Variants in CACNA1F observed in about 807,000 individuals in gnomAD.
CACNA1F encodes the protein calcium voltage-gated channel subunit alpha1 F.
A neutral mutation model predicts 143.8 loss-of-function variants in CACNA1F; 59 were observed. The ratio of observed to expected loss-of-function variants is 0.41; its 90% CI spans 0.33 to 0.51. CACNA1F has a LOEUF of 0.51. Ranked by LOEUF, CACNA1F falls within the 20% of genes least tolerant of loss-of-function variation. The pLI, the probability that CACNA1F is intolerant of heterozygous loss-of-function variation, is 0.22. For synonymous variants in CACNA1F, 643 were observed against 649.1 expected (o/e 0.99, Z 0.14); for missense variants, 1,411 against 1,647.5 (o/e 0.86, Z 2.48).
In CACNA1F at chrX:49,233,319, G is replaced by A. The variant is rs782231577; in HGVS notation, c.-10C>T. The A allele has an allele frequency of 8.4e-6, 10 of 1,193,169 alleles. No homozygotes were observed. The South Asian group carries it at 8.9e-5, about 11-fold the overall frequency. On this transcript the variant is annotated 5_prime_UTR_variant, in exon 1 of 48. An upstream open reading frame in the 5' UTR gains an earlier in-frame stop. Transcript: ENST00000323022. ...CTTCAGATTCCGACATCTTTCTTTCGAGATTGAAGGGCCATCTGCACACAA... is the reference window on the plus strand; with the variant it reads ...CTTCAGATTCCGACATCTTTCTTTCAAGATTGAAGGGCCATCTGCACACAA...
chrX:49,223,298 G>A (rs1469736852), intron 14 of CACNA1F, among the ~76,000 whole-genome samples, 162 bp from the exon 15 acceptor site: 1 of 109,980 alleles, frequency 9.1e-6, no homozygotes, highest in African/African-American at 3.3e-5. Context: ...GTTGGGGTGA[G>A]ATGAGAGTAA....
intron 1 of CACNA1F, 106 bp from the exon 2 acceptor site, chrX:49,232,033 A>G (rs781879981): frequency 2.4e-6 from 2 of 830,546 alleles, no homozygotes; most frequent in Non-Finnish European, 3.3e-6. Flanking sequence ...AAGAGCATGG[A>G]AAATTAGGGA....
chrX:49,223,186 T>C (rs1557109157), intron 14 of CACNA1F, 50 bp from the exon 15 acceptor site: 3 of 873,388 alleles, frequency 3.4e-6, no homozygotes, highest in Non-Finnish European at 5.0e-6. Context: ...CCACTGGACA[T>C]GGCTGGAGCA....
intron 43 of CACNA1F, 102 bp downstream of exon 43, chrX:49,208,413 C>T (rs45439800): frequency 9.5e-6 from 3 of 317,250 alleles, no homozygotes; most frequent in South Asian, 3.4e-5. Flanking sequence ...GCCTCTAGGC[C>T]CTCCCTCCCA....
rs781984852 is a variant in CACNA1F at position 49,227,101 on chromosome X, G to A, written c.1145C>T (p.Ala382Val). 3 of 1,187,700 alleles carry A rather than the reference G, an allele frequency of 2.5e-6. No homozygotes were observed. Among genetic ancestry groups the A allele is most frequent in the African/African-American group, 1.8e-5 (1 of 56,823 alleles). The change falls in exon 9 of 48, where the codon GCG becomes GTG. Residue 382 changes from alanine (A) to valine (V), a missense_variant. Physicochemically the swap from Ala to Val is moderately conservative, Grantham distance 64. Around this residue, in one of 3 missense-constraint regions of CACNA1F, gnomAD observed 950 missense variants for 1,128.1 expected, o/e 0.84. Coordinates refer to ENST00000323022, the MANE Select transcript of CACNA1F (RefSeq NM_001256789.3). ...SGEFSKEREK[A>V]KARGDFQKQR... ...CTTCTGGAAGTCCCCGCGAGCTTTCGCTTTCTCTCTCTCCTTGGAGAACTC... is the reference window on the plus strand; with the variant it reads ...CTTCTGGAAGTCCCCGCGAGCTTTCACTTTCTCTCTCTCCTTGGAGAACTC...
In CACNA1F at chrX:49,211,085, T is replaced by C; in HGVS notation, c.4268A>G (p.Asn1423Ser). ...GTCCATGATCACAGCCACAAAGAGA[T>C]TTATGATCTGTGGGCCAGTGAGCAA... ...FFMLCAFLII[N>S]LFVAVIMDNF... Residue 1423 changes from asparagine to serine, a missense_variant, in exon 37 of 48, where the codon AAT becomes AGT. Coordinates refer to ENST00000323022, the MANE Select transcript of CACNA1F (RefSeq NM_001256789.3). 8.3e-7 allele frequency: 1 copy of C among 1,209,888 alleles called. No homozygotes were observed. The highest frequency in any genetic ancestry group is 1.1e-6 in the Non-Finnish European group (1 of 894,245).
intron 26 of CACNA1F, among the ~76,000 whole-genome samples, chrX:49,217,348 G>T (rs1310405849): frequency 8.9e-6 from 1 of 112,947 alleles, no homozygotes; most frequent in Non-Finnish European, 1.9e-5. Context: ...AGCCTTGTGA[G>T]ATAGGCACTG....
intron 6 of CACNA1F, among the ~76,000 whole-genome samples, chrX:49,229,639 A>G (rs1005454997): frequency 2.7e-5 from 3 of 109,166 alleles, no homozygotes; most frequent in Non-Finnish European, 3.8e-5. Flanking sequence ...TTTGTTTTTG[A>G]GACGGAGTCT....
At chrX:49,220,957 CA>C (rs782083294) in intron 18 of CACNA1F, 77 bp downstream of exon 18, 5 of 882,961 alleles carry the variant, frequency 5.7e-6, no homozygotes, top group East Asian at 6.2e-5. Flanking sequence ...ACAACAACAA[CA>C]AAAAAACAGA....
In CACNA1F at chrX:49,219,716, G is replaced by C. The variant is rs1005399568; in HGVS notation, c.2461C>G (p.Leu821Val). The C allele has an allele frequency of 2.5e-6, 3 of 1,192,908 alleles. No individual in the cohort carries two copies. The highest frequency in any genetic ancestry group is 3.4e-6 in the Non-Finnish European group (3 of 886,358). ...EEEEGAGGVE[L>V]LQEVVPKEKV... Reference sequence around the variant, plus strand: ...TCCTTGGGTACAACTTCCTGCAGGAGTTCCACACCCCCTGCACCCTCTTCC... The same window carrying C: ...TCCTTGGGTACAACTTCCTGCAGGACTTCCACACCCCCTGCACCCTCTTCC... Residue 821 changes from leucine to valine, a missense_variant, in exon 20 of 48, where the codon CTC becomes GTC. Leu to Val is a conservative substitution (Grantham distance 32). Around this residue, in one of 3 missense-constraint regions of CACNA1F, gnomAD observed 950 missense variants for 1,128.1 expected, o/e 0.84. Coordinates refer to ENST00000323022, the MANE Select transcript of CACNA1F (RefSeq NM_001256789.3).
chrX:49,219,231 TCTC>T, intron 21 of CACNA1F, 87 bp downstream of exon 21: 1 of 1,005,573 alleles, frequency 9.9e-7, no homozygotes, highest in Non-Finnish European at 1.4e-6. Context: ...CTAGGGCTCT[TCTC>T]CTTATCTCCA....
chrX:49,230,836 C>T lies in CACNA1F; in HGVS notation c.521+14G>A. ...GAAGGCGACTAGGGTGGGGTGCCTC[C>T]CGCAGACGCGCACCCGACCACGACG... is the stretch of plus-strand genomic sequence containing the variant. On this transcript the variant is annotated intron_variant, in intron 4 of 47. Coordinates refer to ENST00000323022, the MANE Select transcript of CACNA1F (RefSeq NM_001256789.3). 8.5e-7 allele frequency: 1 copy of T among 1,172,443 alleles called. No homozygotes were observed. The highest frequency in any genetic ancestry group is 1.1e-6 in the Non-Finnish European group (1 of 874,713).
rs782484496 is a variant in CACNA1F, at chrX:49,214,251, G to A, written c.3616C>T (p.Pro1206Ser). Residue 1206 changes from proline to serine, a missense_variant, in exon 30 of 48, where the codon CCC (proline) becomes TCC (serine). Transcript: ENST00000323022. ...AGGATGTCCATGGCATAGTTGAAGG[G>A]AGCAGTCTGCTCATAGTGCTGCAGG... ...LAMQHYEQTA[P>S]FNYAMDILNM... 2.4e-5 allele frequency: 28 copies of A among 1,177,345 alleles called. No individual in the cohort carries two copies. Among genetic ancestry groups the A allele is most frequent in the Non-Finnish European group, 2.2e-5 (19 of 864,844 alleles).
chrX:49,228,188 C>T (rs781926306), intron 7 of CACNA1F, 49 bp from the exon 8 acceptor site: 4 of 1,183,527 alleles, frequency 3.4e-6, no homozygotes, highest in Non-Finnish European at 3.4e-6. Context: ...GACACTCCTG[C>T]GTGAGTGTCA....
Position 49,230,617 on chromosome X carries a change from G to A in CACNA1F, c.522-8C>T, listed in dbSNP as rs782528914. 5.2e-6 allele frequency: 6 copies of A among 1,160,660 alleles called. No individual in the cohort carries two copies. The African/African-American group carries it at 7.1e-5, about 14-fold the overall frequency. On this transcript the variant is annotated splice_region_variant and splice_polypyrimidine_tract_variant and intron_variant, in intron 4 of 47. Transcript: ENST00000323022. ...AGCAGAACGCTGAACAGCCTGATGG[G>A]GGAGCACCGGGCAGGGAGGCGGAGG...
chrX:49,230,174 C>T (rs1173370543), intron 6 of CACNA1F, 46 bp downstream of exon 6: 12 of 1,130,811 alleles, frequency 1.1e-5, no homozygotes, highest in Non-Finnish European at 1.2e-5. Context: ...GATCTAGGAA[C>T]CGAAGGAGGG....
rs2065634705 is a variant in CACNA1F at position 49,209,612 on chromosome X, G to A, written c.4821+17C>T. The A allele has an allele frequency of 1.7e-5, 21 of 1,210,908 alleles. No homozygotes were observed. Among genetic ancestry groups the A allele is most frequent in the Non-Finnish European group, 2.2e-5 (20 of 894,831 alleles). On this transcript the variant is annotated intron_variant, in intron 41 of 47. Transcript: ENST00000323022. ...CTGCCACACGTGCCCATCCACACTAGGCCCTGCCCCGAAGACCTGAAGGGC... is the reference window on the plus strand; with the variant it reads ...CTGCCACACGTGCCCATCCACACTAAGCCCTGCCCCGAAGACCTGAAGGGC...
chrX:49,230,175 C>T, intron 6 of CACNA1F, 45 bp downstream of exon 6: 3 of 1,136,568 alleles, frequency 2.6e-6, no homozygotes, highest in Non-Finnish European at 3.6e-6. Context: ...ATCTAGGAAC[C>T]GAAGGAGGGG....
At chrX:49,222,214 A>G (rs1263014316) in intron 17 of CACNA1F, 2 of 243,775 alleles carry the variant, frequency 8.2e-6, no homozygotes, top group African/African-American at 5.6e-5. Flanking sequence ...TTTATTACAT[A>G]TTATTAACAT....
Sources: allele counts gnomAD v4.1 joint callset (sites outside exome capture counted in the v4.1 genomes callset), GRCh38; gene constraint gnomAD v4.1.1; regional missense constraint gnomAD v4.1.1; transcripts MANE v1.5; gene names NCBI Gene and HGNC (gene_info 2026-07-23, HGNC 2026-07-21).